Variants in SSBP4 observed in about 807,000 individuals in gnomAD.
SSBP4 encodes single stranded DNA binding protein 4.
A neutral mutation model predicts 64.6 loss-of-function variants in SSBP4; 33 were observed. That is an observed-to-expected ratio of 0.51 (90% CI 0.39 to 0.68). The LOEUF (loss-of-function observed/expected upper bound fraction) is 0.68. SSBP4 is among the 30% of genes least tolerant of loss of function. The probability of loss-of-function intolerance (pLI) is 0.00; values close to 1 mark genes in which losing one functional copy is unlikely to be tolerated. For synonymous variants in SSBP4, 243 were observed against 224.0 expected (o/e 1.08, Z -0.76); for missense variants, 583 against 566.8 (o/e 1.03, Z -0.29).
chr19:18,419,454 G>C lies in SSBP4; in HGVS notation c.-195G>C. 9.4e-7 allele frequency: 1 copy of C among 1,063,436 alleles called. No individual in the cohort carries two copies. The highest frequency in any genetic ancestry group is 1.1e-6 in the Non-Finnish European group (1 of 882,076). The allele number at this position is 1,063,436 out of a possible 1,614,324, so 65.9% of individuals were successfully genotyped here. ...GAGGAAAAAAAGCCACCCTGCGGCC[G>C]GGGCCGGAGCTGGAGCCGCCGCTGC... On this transcript the variant is annotated 5_prime_UTR_variant, in exon 1 of 18. Coordinates refer to ENST00000270061, the MANE Select transcript of SSBP4 (RefSeq NM_032627.5).
chr19:18,413,687 G>A, the SSBP4 span, among the ~76,000 whole-genome samples: 6 of 152,170 alleles, frequency 3.9e-5, no homozygotes, highest in East Asian at 1.9e-4. Flanking sequence ...CAGTCCTGTC[G>A]GAGACCTTAG....
At chr19:18,408,570 G>A in the SSBP4 span, among the ~76,000 whole-genome samples, 3 of 150,398 alleles carry the variant, frequency 2.0e-5, no homozygotes, top group Admixed American at 2.0e-4. Flanking sequence ...ACGGCTCACT[G>A]CAAACTCCGC....
rs770052399 is a variant in SSBP4 at position 18,427,986 on chromosome 19, A to G, written c.279+4A>G. On this transcript the variant is annotated splice_donor_region_variant and intron_variant, in intron 4 of 17. Transcript: ENST00000270061. This position sits in a 1 kb window ranked among gnomAD's most constrained non-coding sequence, Gnocchi z 4.4. ...GGCCAAGGCCTTCCAGGACTATGTG[A>G]GTCCTGGCCCCAGGGACTCAGGGGC... 2 of 1,541,768 alleles carry G rather than the reference A, an allele frequency of 1.3e-6. No individual in the cohort carries two copies. Among genetic ancestry groups the G allele is most frequent in the Admixed American group, 3.5e-5 (2 of 57,196 alleles).
chr19:18,428,811 C>T (rs1206665444), intron 4 of SSBP4, among the ~76,000 whole-genome samples: 1 of 152,212 alleles, frequency 6.6e-6, no homozygotes, highest in Non-Finnish European at 1.5e-5. Context: ...GGCTGAAGCC[C>T]TCCTGGCGTC....
At position 18,427,676 on chromosome 19, in the gene SSBP4, G is replaced by A; in HGVS notation, c.133-76G>A. 2 of 1,487,186 alleles carry A rather than the reference G, an allele frequency of 1.3e-6. No homozygotes were observed. The highest frequency in any genetic ancestry group is 1.9e-4 in the Middle Eastern group (1 of 5,338). The allele number at this position is 1,487,186 out of a possible 1,614,324, so 92.1% of individuals were successfully genotyped here. A position where few individuals can be genotyped will look rare whatever the true frequency, so the allele number is the denominator to read the frequency against. ...CTCCCCACTCCCTCCCTGCCCAGATGTTCTCTGGGCACCCTGCTGGGTGGT... is the reference window on the plus strand; with the variant it reads ...CTCCCCACTCCCTCCCTGCCCAGATATTCTCTGGGCACCCTGCTGGGTGGT... On this transcript the variant is annotated intron_variant, in intron 2 of 17. Coordinates refer to ENST00000270061, the MANE Select transcript of SSBP4 (RefSeq NM_032627.5). This position sits in a 1 kb window ranked among gnomAD's most constrained non-coding sequence, Gnocchi z 4.4.
the SSBP4 span, among the ~76,000 whole-genome samples, chr19:18,407,509 C>CG: frequency 6.6e-6 from 1 of 152,020 alleles, no homozygotes. Flanking sequence ...CTCCGCCCCC[C>CG]GGGTTCACGC....
At chr19:18,407,887 T>G in the SSBP4 span, among the ~76,000 whole-genome samples, 1 of 151,938 alleles carries the variant, frequency 6.6e-6, no homozygotes, top group East Asian at 1.9e-4. Flanking sequence ...GGATTACAGG[T>G]GCACACCACC....
upstream of SSBP4, among the ~76,000 whole-genome samples, chr19:18,418,345 C>T (rs1315317325): frequency 1.3e-5 from 2 of 152,220 alleles, no homozygotes; most frequent in Non-Finnish European, 2.9e-5. This position sits in a 1 kb window ranked among gnomAD's most constrained non-coding sequence, Gnocchi z 6.7. Flanking sequence ...CATCCACACA[C>T]GACCCACTGG....
intron 5 of SSBP4, 84 bp from the exon 6 acceptor site, chr19:18,431,269 T>G: frequency 5.5e-6 from 3 of 547,270 alleles, no homozygotes; most frequent in East Asian, 6.5e-5. Flanking sequence ...GGCCCACCCC[T>G]CTGCCTCCAT....
Position 18,431,774 on chromosome 19 carries a change from C to T in SSBP4, c.496-19C>T, listed in dbSNP as rs775829412. On this transcript the variant is annotated intron_variant, in intron 7 of 17. Transcript: ENST00000270061. Reference sequence around the variant, plus strand: ...GGAGGGAGCACCCCACACTCAGTGCCGCCGCACCCCCTCCGCAGCCTCCCG... The same window carrying T: ...GGAGGGAGCACCCCACACTCAGTGCTGCCGCACCCCCTCCGCAGCCTCCCG... 2.6e-5 allele frequency: 40 copies of T among 1,540,038 alleles called. No individual in the cohort carries two copies. Among genetic ancestry groups the T allele is most frequent in the East Asian group, 1.5e-4 (6 of 40,814 alleles).
upstream of SSBP4, among the ~76,000 whole-genome samples, chr19:18,416,101 G>C (rs895745283): frequency 6.6e-6 from 1 of 151,990 alleles, no homozygotes; most frequent in South Asian, 2.1e-4. Context: ...TGCAACCTTC[G>C]CCTCCCGGGT....
the SSBP4 span, among the ~76,000 whole-genome samples, chr19:18,412,877 A>G: frequency 6.6e-6 from 1 of 152,202 alleles, no homozygotes. Flanking sequence ...TGGGGCTTCC[A>G]GTAGCTGGCT....
upstream of SSBP4, among the ~76,000 whole-genome samples, chr19:18,415,212 G>A (rs1238483662): frequency 6.6e-6 from 1 of 152,214 alleles, no homozygotes; most frequent in Admixed American, 6.5e-5. Context: ...GCGCAGACCC[G>A]GCTCCCAGCT....
chr19:18,419,279 T>TGCGCGCTCCGGCGGCGGGACCCACCC (rs1271368397), upstream of SSBP4: 288 of 995,462 alleles, frequency 2.9e-4, no homozygotes, highest in Non-Finnish European at 3.3e-4. Flanking sequence ...GCACTGCGCG[T>TGCGCGCTCCGGCGGCGGGACCCACCC]GCGCGCTCCG....
intron 1 of SSBP4, among the ~76,000 whole-genome samples, chr19:18,422,247 C>T (rs1353978567): frequency 6.6e-6 from 1 of 152,124 alleles, no homozygotes; most frequent in Non-Finnish European, 1.5e-5. Flanking sequence ...AGGTTTGAGC[C>T]GGGGGTGGTA....
intron 1 of SSBP4, among the ~76,000 whole-genome samples, chr19:18,421,777 C>T (rs1038422494): frequency 9.2e-5 from 14 of 152,090 alleles, no homozygotes; most frequent in African/African-American, 1.7e-4. Flanking sequence ...TGCAGAAGTG[C>T]GCTCTGGCTC....
chr19:18,417,887 G>T (rs1363062952), upstream of SSBP4, among the ~76,000 whole-genome samples: 4 of 152,066 alleles, frequency 2.6e-5, no homozygotes, highest in East Asian at 3.9e-4. The surrounding 1 kb of genome is among the most constrained non-coding windows in gnomAD (Gnocchi z 5.4). Flanking sequence ...TGGGGGCGGG[G>T]GGTTCTCACG....
intron 1 of SSBP4, among the ~76,000 whole-genome samples, chr19:18,421,089 A>G (rs1972433389): frequency 6.6e-6 from 1 of 152,072 alleles, no homozygotes; most frequent in South Asian, 2.1e-4. Flanking sequence ...GGAGCCCTGG[A>G]CGTTGGCTGA....
the SSBP4 span, among the ~76,000 whole-genome samples, chr19:18,403,550 T>G: frequency 2.0e-5 from 3 of 148,456 alleles, no homozygotes; most frequent in Admixed American, 2.0e-4. Context: ...GGTTTGGGAG[T>G]CCTGGGGCCT....
Sources: gnomAD v4.1 joint callset for allele counts (sites outside exome capture counted in the v4.1 genomes callset) on GRCh38, gnomAD v4.1.1 for gene constraint, Gnocchi (gnomAD v3.1) non-coding constraint, MANE v1.5 for transcripts, NCBI Gene and HGNC (gene_info 2026-07-23, HGNC 2026-07-21) for gene names.